SPATA20: variants seen among roughly 807,000 people sequenced by gnomAD.
SPATA20 encodes the protein spermatogenesis-associated protein 20.
Under a neutral mutation model 98.9 loss-of-function variants are expected in SPATA20, and 74 were observed. The observed-to-expected ratio is 0.75, with a 90% CI of 0.62 to 0.91. The LOEUF (loss-of-function observed/expected upper bound fraction) is 0.91. Among genes scored for constraint, SPATA20 ranks in the 40% least tolerant of loss-of-function variants. The probability of loss-of-function intolerance (pLI) is 0.00; values close to 1 mark genes in which losing one functional copy is unlikely to be tolerated. For missense variants in SPATA20, 1,016 were observed against 1,069.8 expected (o/e 0.95, Z 0.70); for synonymous variants, 430 against 440.5 (o/e 0.98, Z 0.30).
chr17:50,549,615 C>CT, intron 7 of SPATA20, 128 bp downstream of exon 7: 1 of 966,276 alleles, frequency 1.0e-6, no homozygotes, highest in South Asian at 1.6e-5. Context: ...CTCCTTGCCC[C>CT]TAGCCTGTCG....
chr17:50,551,967 A>G lies in SPATA20; in HGVS notation c.1746-2A>G, dbSNP rs553111752. 2 of 1,584,744 alleles carry G rather than the reference A, an allele frequency of 1.3e-6. No individual in the cohort carries two copies. The highest frequency in any genetic ancestry group is 1.1e-5 in the South Asian group (1 of 87,726). On this transcript the variant is annotated splice_acceptor_variant, in intron 13 of 16. Transcript: ENST00000006658. LOFTEE classifies it high-confidence loss of function. ...GCCCCTCCCGTAATGCCTGTCCCCC[A>G]GCAACCCACCCTGCTGGGGCTTCCT...
chr17:50,550,939 T>TGACG, intron 11 of SPATA20, 22 bp downstream of exon 11: 1 of 1,612,294 alleles, frequency 6.2e-7, no homozygotes. Flanking sequence ...TGGGGTCACC[T>TGACG]GACGGGCCCT....
chr17:50,547,976 G>A, intron 2 of SPATA20: 6 of 1,494,150 alleles, frequency 4.0e-6, no homozygotes, highest in Admixed American at 2.1e-5. Flanking sequence ...GGTAAGAATG[G>A]AGCCCCAAGA....
chr17:50,554,440 C>T lies in SPATA20; in HGVS notation c.2147C>T (p.Thr716Ile). The T allele has an allele frequency of 1.2e-6, 2 of 1,611,410 alleles. No individual in the cohort carries two copies. Residue 716 changes from threonine to isoleucine, a missense_variant, in exon 15 of 17, where the codon ACC becomes ATC. Physicochemically the swap from Thr to Ile is moderately conservative, Grantham distance 89 (BLOSUM62 -1). Transcript: ENST00000006658. The part of the protein sequence containing the change: ...MVRALSAQQQ[T>I]LKQIVICGDR... ...CGCGCCCTCTCAGCCCAGCAGCAGACCCTCAAGCAGGTGGGGGGTGAGGGC... is the reference window on the plus strand; with the variant it reads ...CGCGCCCTCTCAGCCCAGCAGCAGATCCTCAAGCAGGTGGGGGGTGAGGGC...
At chr17:50,551,450 G>T (rs1290865231) in intron 12 of SPATA20, 61 bp from the exon 13 acceptor site, 1 of 1,533,434 alleles carries the variant, frequency 6.5e-7, no homozygotes, top group Non-Finnish European at 8.9e-7. Flanking sequence ...AGGTGATAGG[G>T]TGGACATGCC....
chr17:50,555,819 A>C lies in SPATA20; in HGVS notation c.*157A>C. The C allele has an allele frequency of 1.6e-6, 1 of 611,494 alleles. No homozygotes were observed. Among genetic ancestry groups the C allele is most frequent in the Non-Finnish European group, 2.8e-6 (1 of 357,800 alleles). The allele number at this position is 611,494 out of a possible 1,614,324, so 37.9% of individuals were successfully genotyped here. On this transcript the variant is annotated 3_prime_UTR_variant, in exon 17 of 17. Coordinates refer to ENST00000006658, the MANE Select transcript of SPATA20 (RefSeq NM_022827.4). ...CACTGCCCCCCTTGGGCACCCACTCACCCTAGAATAAACTTAACAGTGTCC... is the reference window on the plus strand; with the variant it reads ...CACTGCCCCCCTTGGGCACCCACTCCCCCTAGAATAAACTTAACAGTGTCC...
Position 50,550,233 on chromosome 17 carries a change from G to A in SPATA20, c.1019G>A (p.Arg340His), listed in dbSNP as rs368022155. The change falls in exon 9 of 17, where the codon CGC becomes CAC. Residue 340 changes from arginine (R) to histidine (H), a missense_variant. Coordinates refer to ENST00000006658, the MANE Select transcript of SPATA20 (RefSeq NM_022827.4). ...GQGFHRYSTD[R>H]QWHVPHFEKM... ...GGCTTTCACCGCTACTCCACAGACC[G>A]CCAGTGGCACGTCCCTCACTTTGAG... 37 of 1,611,796 alleles carry A rather than the reference G, an allele frequency of 2.3e-5. No homozygotes were observed. Among genetic ancestry groups the A allele is most frequent in the African/African-American group, 1.6e-4 (12 of 75,020 alleles).
rs8076632 is a variant in SPATA20, at chr17:50,548,567, C to G, written c.310C>G (p.Gln104Glu). 0.36 allele frequency: 577,881 copies of G among 1,611,484 alleles called. 110,899 individuals carry two copies. Among genetic ancestry groups the G allele is most frequent in the African/African-American group, 0.65 (48,572 of 74,852 alleles). Residue 104 changes from glutamine (Q) to glutamate (E), a missense_variant, in exon 4 of 17, where the codon CAG becomes GAG. Coordinates refer to ENST00000006658, the MANE Select transcript of SPATA20 (RefSeq NM_022827.4). ...YNPVDWYPWG[Q>E]EAFDKARKEN... is the part of the protein sequence containing the mutation. ...TGCTGGGTCTAGGTACCCCTGGGGA[C>G]AGGAAGCCTTCGACAAGGCCAGGAA...
rs375319605 is a variant in SPATA20 at position 50,555,206 on chromosome 17, C to T, written c.2158-26C>T. On this transcript the variant is annotated intron_variant, in intron 15 of 16. Coordinates refer to ENST00000006658, the MANE Select transcript of SPATA20 (RefSeq NM_022827.4). Reference sequence around the variant, plus strand: ...CTCAGCCCTCCCTCCCCTGACACACCGGAGTGACCTTTCTATTCCGGTCAG... The same window carrying T: ...CTCAGCCCTCCCTCCCCTGACACACTGGAGTGACCTTTCTATTCCGGTCAG... 147 of 1,606,686 alleles carry T rather than the reference C, an allele frequency of 9.1e-5. 1 individual carries two copies. In the South Asian group the frequency reaches 1.2e-3, roughly 14 times the overall value.
rs780844275 is a variant in SPATA20 at position 50,547,838 on chromosome 17, C to T, written c.125+71C>T. ...GTCCCTCACCTGGTCGAGTCCCAGA[C>T]CCTACTGATCTTGGCCTGTCCAGCC... On this transcript the variant is annotated intron_variant, in intron 2 of 16. Coordinates refer to ENST00000006658, the MANE Select transcript of SPATA20 (RefSeq NM_022827.4). 6.7e-6 allele frequency: 6 copies of T among 898,236 alleles called. 1 individual carries two copies. The highest frequency in any genetic ancestry group is 6.6e-5 in the South Asian group (5 of 75,900). The allele number at this position is 898,236 out of a possible 1,614,324, so 55.6% of individuals were successfully genotyped here.
rs189153680 is a variant in SPATA20 at position 50,552,483 on chromosome 17, T to C, written c.1957+303T>C. ...ACTCAGCGTGTTTTGTTTCGTTCCT[T>C]TCTTTTCTTTTTATTTCCTTTCTCT... is the stretch of plus-strand genomic sequence containing the variant. On this transcript the variant is annotated intron_variant, in intron 14 of 16. Coordinates refer to ENST00000006658, the MANE Select transcript of SPATA20 (RefSeq NM_022827.4). Among the ~76,000 whole-genome samples the C allele has an allele frequency of 6.9e-3, 1,027 of 149,678 alleles. 7 individuals carry two copies. The highest frequency in any genetic ancestry group is 7.2e-3 in the Non-Finnish European group (483 of 67,418).
chr17:50,547,249 T>A lies in SPATA20; in HGVS notation c.41T>A (p.Leu14Gln). ...ARAWLGRVLLLPRAGAGLAAS... is the reference protein window; with the variant it reads ...ARAWLGRVLLQPRAGAGLAAS... ...GCCTGGTTGGGCCGCGTCCTTCTGC[T>A]GCCCCGCGCCGGTGCAGGCCTCGCC... Residue 14 changes from leucine to glutamine, a missense_variant, in exon 1 of 17, where the codon CTG (leucine) becomes CAG (glutamine). Physicochemically the swap from Leu to Gln is moderately radical, Grantham distance 113. Transcript: ENST00000006658. 7.2e-7 allele frequency: 1 copy of A among 1,398,110 alleles called. No individual in the cohort carries two copies. The highest frequency in any genetic ancestry group is 9.2e-7 in the Non-Finnish European group (1 of 1,087,188). The allele number at this position is 1,398,110 out of a possible 1,614,324, so 86.6% of individuals were successfully genotyped here.
Position 50,550,768 on chromosome 17 carries a change from A to G in SPATA20, c.1234A>G (p.Lys412Glu), listed in dbSNP as rs993886504. The change falls in exon 11 of 17, where the codon AAA becomes GAA. Residue 412 changes from lysine to glutamate, a missense_variant. Physicochemically the swap from Lys to Glu is moderately conservative, Grantham distance 56. Transcript: ENST00000006658. ...GCCCCCAGAGCGGGGCCAGCGGCCC[A>G]AAGAGGGCGCCTACTATGTGTGGAC... ...DSPPERGQRP[K>E]EGAYYVWTVK... The G allele has an allele frequency of 1.2e-6, 2 of 1,613,152 alleles. No homozygotes were observed. Among genetic ancestry groups the G allele is most frequent in the Admixed American group, 3.3e-5 (2 of 60,034 alleles).
chr17:50,548,389 C>T lies in SPATA20; in HGVS notation c.232C>T (p.Pro78Ser). ...SHPSSTPQRV[P>S]NRLIHEKSPY... ...TCCTTCATCTACACCCCAGAGGGTC[C>T]CCAACCGCCTGATCCACGAGAAGTC... Residue 78 changes from proline to serine, a missense_variant, in exon 3 of 17, where the codon CCC (proline) becomes TCC (serine). Transcript: ENST00000006658. 6.2e-7 allele frequency: 1 copy of T among 1,614,046 alleles called. No homozygotes were observed. Among genetic ancestry groups the T allele is most frequent in the African/African-American group, 1.3e-5 (1 of 75,032 alleles).
Position 50,550,222 on chromosome 17 carries a change from C to A in SPATA20, c.1008C>A (p.Tyr336Ter). The change falls in exon 9 of 17, where the codon TAC becomes TAA. Residue 336 changes from tyrosine (Y) to a stop codon, truncating the protein, a stop_gained. Transcript: ENST00000006658. LOFTEE classifies it high-confidence loss of function. ...RDHVGQGFHR[Y>*]STDRQWHVPH... ...TATCCGCACAGGGCTTTCACCGCTACTCCACAGACCGCCAGTGGCACGTCC... is the reference window on the plus strand; with the variant it reads ...TATCCGCACAGGGCTTTCACCGCTAATCCACAGACCGCCAGTGGCACGTCC... 6.2e-7 allele frequency: 1 copy of A among 1,612,388 alleles called. No homozygotes were observed. Among genetic ancestry groups the A allele is most frequent in the Non-Finnish European group, 8.5e-7 (1 of 1,179,314 alleles).
At chr17:50,551,268 A>C in intron 12 of SPATA20, 78 bp downstream of exon 12, 1 of 1,354,106 alleles carries the variant, frequency 7.4e-7, no homozygotes, top group Non-Finnish European at 1.0e-6. Flanking sequence ...GCAGCGGCTA[A>C]ATGCTCACTC....
At position 50,552,095 on chromosome 17, in the gene SPATA20, C is replaced by T; in HGVS notation, c.1872C>T (p.Asp624=). The change falls in exon 14 of 17, where the codon GAC becomes GAT. Residue 624 remains aspartate, a synonymous_variant. Coordinates refer to ENST00000006658, the MANE Select transcript of SPATA20 (RefSeq NM_022827.4). ...EWALRLQDTQ[D]KLFWDSQGGG... The stretch of plus-strand genomic sequence containing the variant: ...CTCTGCGGCTGCAGGACACACAGGA[C>T]AAGCTCTTTTGGGACTCCCAGGGTG... 6.2e-7 allele frequency: 1 copy of T among 1,613,836 alleles called. No individual in the cohort carries two copies. The highest frequency in any genetic ancestry group is 1.6e-4 in the Middle Eastern group (1 of 6,062).
Position 50,554,340 on chromosome 17 carries a change from G to C in SPATA20, c.2047G>C (p.Asp683His), listed in dbSNP as rs1183656534. 1.2e-6 allele frequency: 2 copies of C among 1,614,220 alleles called. No homozygotes were observed. The highest frequency in any genetic ancestry group is 1.1e-5 in the South Asian group (1 of 91,088). The change falls in exon 15 of 17, where the codon GAC (aspartate) becomes CAC (histidine). Residue 683 changes from aspartate to histidine, a missense_variant. By Grantham distance (81) the Asp-to-His change is moderately conservative. Transcript: ENST00000006658. ...CTTCACGGGCCACAAGGACTGGATG[G>C]ACAAGTGTGTGTGCCTATTGACCGC... ...HGFTGHKDWM[D>H]KCVCLLTAFS... is the part of the protein sequence containing the mutation.
intron 7 of SPATA20, 134 bp downstream of exon 7, chr17:50,549,621 T>G (rs2034977718): frequency 1.1e-6 from 1 of 889,694 alleles, no homozygotes; most frequent in Non-Finnish European, 1.7e-6. Context: ...GCCCCTAGCC[T>G]GTCGGTAGCT....
Sources: gnomAD v4.1 joint callset for allele counts (sites outside exome capture counted in the v4.1 genomes callset) on GRCh38, gnomAD v4.1.1 for gene constraint, MANE v1.5 for transcripts, NCBI Gene and HGNC (gene_info 2026-07-23, HGNC 2026-07-21) for gene names.